CDH18: variants seen among roughly 807,000 people sequenced by gnomAD.
The protein encoded by CDH18 is cadherin-18.
In CDH18, 31 loss-of-function variants were observed where a neutral mutation model predicts 67.9. The ratio of observed to expected loss-of-function variants is 0.46; its 90% CI spans 0.34 to 0.62. CDH18 has a LOEUF of 0.62. Ranked by LOEUF, CDH18 falls within the 20% of genes least tolerant of loss-of-function variation. CDH18 has a pLI of 0.01. For missense variants in CDH18, 890 were observed against 975.5 expected, an observed-to-expected ratio of 0.91 and a Z score of 1.17; for synonymous variants, 362 against 347.2, an observed-to-expected ratio of 1.04 and a Z score of -0.48.
chr5:20,273,410 G>T (rs1199547985), intron 1 of CDH18, among the ~76,000 whole-genome samples: 1 of 151,744 alleles, frequency 6.6e-6, no homozygotes, highest in Non-Finnish European at 1.5e-5. Context: ...CAGATAATAT[G>T]GAAAAATAAA....
At chr5:19,910,961 G>C (rs767293444) in intron 2 of CDH18, among the ~76,000 whole-genome samples, 2 of 152,136 alleles carry the variant, frequency 1.3e-5, no homozygotes, top group Non-Finnish European at 2.9e-5. Context: ...GAGCTGATGT[G>C]TTAAAGCTAA....
At chr5:20,221,174 A>T (rs1741192394) in intron 2 of CDH18, among the ~76,000 whole-genome samples, 1 of 152,170 alleles carries the variant, frequency 6.6e-6, no homozygotes, top group Admixed American at 6.6e-5. Context: ...TGTTTATTTC[A>T]GCACTATTCA....
chr5:20,284,147 G>T (rs1746501242), intron 1 of CDH18, among the ~76,000 whole-genome samples: 1 of 151,864 alleles, frequency 6.6e-6, no homozygotes, highest in Non-Finnish European at 1.5e-5. Flanking sequence ...GATGGTTAAT[G>T]AGTACAAAAA....
Position 20,421,827 on chromosome 5 carries a change from CATAT to C in CDH18, c.-580+153631_-580+153634del, listed in dbSNP as rs139825417. Among the ~76,000 whole-genome samples, 10 of 147,662 alleles carry C rather than the reference CATAT, an allele frequency of 6.8e-5. 1 individual carries two copies. Among genetic ancestry groups the C allele is most frequent in the East Asian group, 2.0e-4 (1 of 5,044 alleles). On this transcript the variant is annotated intron_variant, in intron 1 of 14. Transcript: ENST00000507958. The stretch of plus-strand genomic sequence containing the variant: ...ATAAATTATATATGTATATATCAAT[CATAT>C]ATATATATATACACATGTATACACA...
In CDH18 at chr5:20,432,279, C is replaced by T. The variant is rs550766833; in HGVS notation, c.-580+143183G>A. Among the ~76,000 whole-genome samples the T allele has an allele frequency of 5.3e-5, 8 of 152,220 alleles. No individual in the cohort carries two copies. The South Asian group carries it at 1.5e-3, about 28-fold the overall frequency. On this transcript the variant is annotated intron_variant, in intron 1 of 14. Coordinates refer to the CDH18 transcript ENST00000507958. ...CCAAAATACTAATTATTATTTTCCG[C>T]TGTTCAATCTCATTCAGAGCCTAAT...
intron 1 of CDH18, among the ~76,000 whole-genome samples, chr5:20,517,595 C>T (rs978687): frequency 1 from 151,845 of 152,048 alleles, 75,821 homozygotes; most frequent in Non-Finnish European, 1. Flanking sequence ...TTACTTTGTA[C>T]ACATACCAAG....
rs369312056 is a variant in CDH18, at chr5:20,381,178, A to G, written c.-579-125673T>C. Among the ~76,000 whole-genome samples, 5 of 152,162 alleles carry G rather than the reference A, an allele frequency of 3.3e-5. No homozygotes were observed. In the East Asian group the frequency reaches 9.7e-4, roughly 29 times the overall value. ...GTAGAGAAGGCACAAAAGAAAAAAT[A>G]CCCGTCAGTATCTTGATTTTAATCT... On this transcript the variant is annotated intron_variant, in intron 1 of 14. Coordinates refer to the CDH18 transcript ENST00000507958.
At chr5:20,416,534 G>T (rs1747326043) in intron 1 of CDH18, among the ~76,000 whole-genome samples, 1 of 152,090 alleles carries the variant, frequency 6.6e-6, no homozygotes, top group African/African-American at 2.4e-5. Context: ...ATGGAAATCA[G>T]TCTGAGAATG....
At chr5:19,624,879 A>G (rs1028189511) in intron 5 of CDH18, among the ~76,000 whole-genome samples, 1 of 152,126 alleles carries the variant, frequency 6.6e-6, no homozygotes, top group Non-Finnish European at 1.5e-5. Flanking sequence ...CAAGTGTGAG[A>G]TCATGAAGAG....
intron 2 of CDH18, among the ~76,000 whole-genome samples, chr5:19,937,361 G>A (rs13172351): frequency 0.42 from 63,869 of 151,026 alleles, 15,894 homozygotes; most frequent in Middle Eastern, 0.64. Context: ...AGGTGTTATG[G>A]TGGGGTAGTG....
intron 5 of CDH18, among the ~76,000 whole-genome samples, chr5:19,717,497 C>G (rs1250930345): frequency 3.3e-5 from 5 of 152,000 alleles, no homozygotes; most frequent in Non-Finnish European, 7.4e-5. Context: ...GGAACTAGTT[C>G]TTTTGTGTAG....
chr5:20,287,319 G>C (rs2126721752), intron 1 of CDH18, among the ~76,000 whole-genome samples: 1 of 151,744 alleles, frequency 6.6e-6, no homozygotes, highest in South Asian at 2.1e-4. Flanking sequence ...CACATACTGA[G>C]TCATATACTT....
At chr5:19,899,784 C>T (rs1255760533) in intron 2 of CDH18, among the ~76,000 whole-genome samples, 1 of 151,980 alleles carries the variant, frequency 6.6e-6, no homozygotes, top group Non-Finnish European at 1.5e-5. Context: ...AGCCATATGC[C>T]ACAACGTGGG....
At chr5:19,662,362 A>C (rs2150316323) in intron 5 of CDH18, among the ~76,000 whole-genome samples, 1 of 152,136 alleles carries the variant, frequency 6.6e-6, no homozygotes, top group East Asian at 1.9e-4. Flanking sequence ...TGAGGGCATA[A>C]GAAACAAGAA....
intron 2 of CDH18, among the ~76,000 whole-genome samples, chr5:20,075,375 T>C (rs538726747): frequency 1.3e-5 from 2 of 152,218 alleles, no homozygotes; most frequent in South Asian, 4.1e-4. Context: ...TTATGCTGTG[T>C]GGCTGTAGCC....
chr5:20,042,560 C>T (rs1041886030), intron 2 of CDH18, among the ~76,000 whole-genome samples: 1 of 152,148 alleles, frequency 6.6e-6, no homozygotes, highest in African/African-American at 2.4e-5. Context: ...ACAATCACTA[C>T]ATTAATTAAA....
At chr5:19,775,432 T>G (rs1251327923) in intron 3 of CDH18, among the ~76,000 whole-genome samples, 1 of 152,126 alleles carries the variant, frequency 6.6e-6, no homozygotes, top group African/African-American at 2.4e-5. Flanking sequence ...TCTGTTACTG[T>G]GGATGCGGAA....
At chr5:19,567,944 C>A (rs1740717717) in intron 8 of CDH18, among the ~76,000 whole-genome samples, 1 of 152,234 alleles carries the variant, frequency 6.6e-6, no homozygotes, top group Admixed American at 6.5e-5. Context: ...TGAAAGTACA[C>A]ATTGAAACAT....
At chr5:20,405,995 C>G (rs576481715) in intron 1 of CDH18, among the ~76,000 whole-genome samples, 3 of 152,106 alleles carry the variant, frequency 2.0e-5, no homozygotes, top group Admixed American at 1.3e-4. Context: ...GGACTGTAAA[C>G]GAGTTCAACC....
Sources: allele counts gnomAD v4.1 joint callset (sites outside exome capture counted in the v4.1 genomes callset), GRCh38; gene constraint gnomAD v4.1.1; transcripts MANE v1.5; gene names NCBI Gene and HGNC (gene_info 2026-07-23, HGNC 2026-07-21).